Variants in GLRA1 observed in about 807,000 individuals in gnomAD.
The protein encoded by GLRA1 is glycine receptor alpha 1.
GLRA1 carries 37 observed loss-of-function variants against 48.3 expected under a neutral mutation model. The observed-to-expected ratio is 0.77, with a 90% CI of 0.59 to 1.01. The LOEUF (loss-of-function observed/expected upper bound fraction) is 1.01, where lower values mean the gene tolerates loss of function less well. Ranked by LOEUF, GLRA1 falls within the 50% of genes least tolerant of loss-of-function variation. The pLI, the probability that GLRA1 is intolerant of heterozygous loss-of-function variation, is 0.00. For missense variants in GLRA1, 427 were observed against 571.0 expected (o/e 0.75, Z 2.57); for synonymous variants, 196 against 210.7 (o/e 0.93, Z 0.60).
chr5:151,845,632 T>C (rs1752656522), intron 7 of GLRA1, among the ~76,000 whole-genome samples: 1 of 152,228 alleles, frequency 6.6e-6, no homozygotes, highest in Non-Finnish European at 1.5e-5. Context: ...TAAAATGGTA[T>C]AGCTGCTTTG....
intron 1 of GLRA1, among the ~76,000 whole-genome samples, chr5:151,892,764 T>C (rs192328109): frequency 4.5e-4 from 69 of 152,244 alleles, no homozygotes; most frequent in Non-Finnish European, 7.5e-4. Context: ...GGGTTAGTCT[T>C]TTGGTAGACC....
chr5:151,877,989 C>T (rs142237795), intron 3 of GLRA1, among the ~76,000 whole-genome samples: 5 of 152,140 alleles, frequency 3.3e-5, no homozygotes, highest in African/African-American at 1.2e-4. Context: ...GAAAAGATAC[C>T]CAAAAATGTG....
intron 1 of GLRA1, among the ~76,000 whole-genome samples, chr5:151,893,352 CT>C (rs1158276378): frequency 1.5e-5 from 2 of 136,858 alleles, no homozygotes; most frequent in East Asian, 4.1e-4. Context: ...TTCTTTCTTT[CT>C]TTCTTTCATT....
intron 7 of GLRA1, chr5:151,849,819 C>T (rs1752852088): frequency 4.2e-6 from 5 of 1,195,546 alleles, no homozygotes; most frequent in Non-Finnish European, 3.3e-6. Flanking sequence ...CTCCCAGAGT[C>T]CTGGGATTAC....
At chr5:151,852,855 G>A (rs1395846064) in intron 6 of GLRA1, among the ~76,000 whole-genome samples, 3 of 152,090 alleles carry the variant, frequency 2.0e-5, no homozygotes. Context: ...GCTGGACCAT[G>A]ATATATTTCT....
At chr5:151,842,818 TA>T (rs1367600643) in intron 7 of GLRA1, among the ~76,000 whole-genome samples, 1 of 152,204 alleles carries the variant, frequency 6.6e-6, no homozygotes, top group Non-Finnish European at 1.5e-5. Flanking sequence ...TCTCTATTTG[TA>T]CATCACATGG....
intron 7 of GLRA1, among the ~76,000 whole-genome samples, chr5:151,847,511 G>C (rs545246302): frequency 6.6e-6 from 1 of 152,300 alleles, no homozygotes; most frequent in South Asian, 2.1e-4. Flanking sequence ...ACGAGGTCAG[G>C]AGTTCAAGAC....
At chr5:151,893,360 C>CTTTCTTTCT in intron 1 of GLRA1, among the ~76,000 whole-genome samples, 1 of 97,034 alleles carries the variant, frequency 1.0e-5, no homozygotes, top group Non-Finnish European at 2.2e-5. Context: ...TTCTTTCTTT[C>CTTTCTTTCT]ATTTTAGTTC....
intron 7 of GLRA1, among the ~76,000 whole-genome samples, chr5:151,842,553 G>T (rs1763738203): frequency 6.6e-6 from 1 of 152,136 alleles, no homozygotes; most frequent in Admixed American, 6.5e-5. Flanking sequence ...AAATTCAACA[G>T]CTTTCATGGT....
At chr5:151,839,001 A>G (rs1288218320) in intron 7 of GLRA1, among the ~76,000 whole-genome samples, 2 of 152,242 alleles carry the variant, frequency 1.3e-5, no homozygotes, top group African/African-American at 4.8e-5. Context: ...GCAGAATCTT[A>G]AAACAGCAAA....
chr5:151,884,258 A>G (rs990419558), intron 3 of GLRA1, among the ~76,000 whole-genome samples: 1 of 152,106 alleles, frequency 6.6e-6, no homozygotes, highest in Non-Finnish European at 1.5e-5. Context: ...GCGAAACCCC[A>G]TCTCTATCAA....
rs74294718 is a variant in GLRA1, at chr5:151,840,810, A to G, written c.912+10580T>C. Among the ~76,000 whole-genome samples the G allele has an allele frequency of 1.4e-3, 209 of 152,150 alleles. 2 individuals carry two copies. The East Asian group carries it at 0.015, about 11-fold the overall frequency. ...AGAGATGAAGAGCATTTGATAATAA[A>G]TGAGTCAATCCATCAAGAAATATAA... On this transcript the variant is annotated intron_variant, in intron 7 of 8. Transcript: ENST00000274576.
At chr5:151,911,754 C>T (rs1754616791) in intron 1 of GLRA1, among the ~76,000 whole-genome samples, 1 of 151,848 alleles carries the variant, frequency 6.6e-6, no homozygotes, top group Non-Finnish European at 1.5e-5. Flanking sequence ...TACAGGTGCC[C>T]GCCACCGCAC....
In GLRA1 at chr5:151,822,698, C is replaced by CGTAG. The variant is rs1369155058; in HGVS notation, c.1324_1325insCTAC (p.Arg442ProfsTer3). 6.2e-7 allele frequency: 1 copy of CGTAG among 1,613,106 alleles called. No individual in the cohort carries two copies. The highest frequency in any genetic ancestry group is 8.5e-7 in the Non-Finnish European group (1 of 1,179,262). Reference sequence around the variant, plus strand: ...TCACTGGTTGTGGACGTCCTCTCTACGGACAATCTTGTAGATGATCCAGTA... The same window carrying CGTAG: ...TCACTGGTTGTGGACGTCCTCTCTACGTAGGGACAATCTTGTAGATGATCCAGTA... On this transcript the variant is annotated frameshift_variant, in exon 9 of 9. Transcript: ENST00000274576. LOFTEE classifies it high-confidence loss of function.
chr5:151,849,188 TTTTC>T (rs1278020071), intron 7 of GLRA1: 2 of 82,710 alleles, frequency 2.4e-5, no homozygotes, highest in African/African-American at 1.2e-4. Flanking sequence ...TCTTTCTTTC[TTTTC>T]TTTCTTTTCT....
chr5:151,860,919 T>C (rs1753181721), intron 3 of GLRA1, among the ~76,000 whole-genome samples: 1 of 152,170 alleles, frequency 6.6e-6, no homozygotes. Flanking sequence ...ATGTTCCCCT[T>C]TCTGTGTCCA....
intron 1 of GLRA1, among the ~76,000 whole-genome samples, chr5:151,910,990 T>C (rs1754595358): frequency 6.6e-6 from 1 of 152,232 alleles, no homozygotes; most frequent in Non-Finnish European, 1.5e-5. Flanking sequence ...AATTAATAAA[T>C]ATTTTTTGGA....
At chr5:151,832,487 G>T (rs1410191460) in intron 7 of GLRA1, among the ~76,000 whole-genome samples, 2 of 152,086 alleles carry the variant, frequency 1.3e-5, no homozygotes, top group Admixed American at 6.6e-5. Context: ...CACAGCGCAA[G>T]AACTTCGTGA....
At chr5:151,878,349 C>T (rs775815495) in intron 3 of GLRA1, among the ~76,000 whole-genome samples, 5 of 152,120 alleles carry the variant, frequency 3.3e-5, no homozygotes, top group East Asian at 1.9e-4. Context: ...TAAAGGCACT[C>T]GGTTTTATAA....
Sources: allele counts gnomAD v4.1 joint callset (sites outside exome capture counted in the v4.1 genomes callset), GRCh38; gene constraint gnomAD v4.1.1; transcripts MANE v1.5; gene names NCBI Gene and HGNC (gene_info 2026-07-23, HGNC 2026-07-21).